The following SAE1 variants were observed in gnomAD, a reference collection of about 807,000 sequenced individuals.
The protein encoded by SAE1 is SUMO1 activating enzyme subunit 1, also known as SUMO-activating enzyme subunit 1.
Under a neutral mutation model 40.6 loss-of-function variants are expected in SAE1, and 11 were observed. The observed-to-expected ratio is 0.27, with a 90% CI of 0.17 to 0.45. The LOEUF (loss-of-function observed/expected upper bound fraction) is 0.45. SAE1 is among the 20% of genes least tolerant of loss of function. The pLI is 1.00. For missense variants in SAE1, 373 were observed against 427.3 expected (o/e 0.87, Z 1.12); for synonymous variants, 155 against 154.3 (o/e 1.00, Z -0.03).
chr19:47,165,261 TA>T (rs1379407623), intron 5 of SAE1, among the ~76,000 whole-genome samples: 1 of 151,588 alleles, frequency 6.6e-6, no homozygotes, highest in African/African-American at 2.4e-5. Flanking sequence ...GGCTAATTTT[TA>T]TATTTTTAGT....
At chr19:47,155,079 G>C (rs2058312928) in intron 4 of SAE1, 35 bp from the exon 5 acceptor site, 1 of 1,315,432 alleles carries the variant, frequency 7.6e-7, no homozygotes, top group Non-Finnish European at 1.1e-6. Flanking sequence ...GATTCCTAGG[G>C]TAAAATTACA....
chr19:47,207,081 A>C (rs987312692), intron 8 of SAE1, among the ~76,000 whole-genome samples: 1 of 152,164 alleles, frequency 6.6e-6, no homozygotes, highest in African/African-American at 2.4e-5. Context: ...CTAGAAGTTC[A>C]AGACTAGCTT....
At chr19:47,205,974 C>T (rs1157191130) in intron 8 of SAE1, among the ~76,000 whole-genome samples, 3 of 152,198 alleles carry the variant, frequency 2.0e-5, no homozygotes, top group Non-Finnish European at 4.4e-5. Context: ...TGCATGGACC[C>T]CAGGGCCGCT....
At chr19:47,172,421 G>C (rs1264093400) in intron 6 of SAE1, among the ~76,000 whole-genome samples, 1 of 152,096 alleles carries the variant, frequency 6.6e-6, no homozygotes, top group African/African-American at 2.4e-5. Context: ...GAAGCTTGTT[G>C]CTCACTGCCT....
intron 6 of SAE1, among the ~76,000 whole-genome samples, chr19:47,176,243 G>A (rs1049282749): frequency 2.6e-5 from 4 of 152,118 alleles, no homozygotes; most frequent in Admixed American, 6.5e-5. Flanking sequence ...TGGATGTACC[G>A]TCATCTATGA....
intron 5 of SAE1, among the ~76,000 whole-genome samples, chr19:47,158,785 A>C (rs770676958): frequency 2.6e-5 from 4 of 152,202 alleles, no homozygotes; most frequent in Non-Finnish European, 5.9e-5. Context: ...ATGAGAAATT[A>C]AGTGACCTGA....
At position 47,203,680 on chromosome 19, in the gene SAE1, C is replaced by G. The variant is rs751088718; in HGVS notation, c.888C>G (p.Phe296Leu). Reference sequence around the variant, plus strand: ...TCTTCCTCTCTTTTAGGTACTGCTTCTCCGAGATGGCCCCAGTGTGTGCGG... The same window carrying G: ...TCTTCCTCTCTTTTAGGTACTGCTTGTCCGAGATGGCCCCAGTGTGTGCGG... The part of the protein sequence containing the change: ...LLPEDFVRYC[F>L]SEMAPVCAVV... Residue 296 changes from phenylalanine (F) to leucine (L), a missense_variant, in exon 8 of 9, where the codon TTC (phenylalanine) becomes TTG (leucine). Around this residue, in one of 3 missense-constraint regions of SAE1, gnomAD observed 351 missense variants for 390.6 expected, o/e 0.90. Transcript: ENST00000270225. The G allele has an allele frequency of 6.2e-7, 1 of 1,614,032 alleles. No individual in the cohort carries two copies. Among genetic ancestry groups the G allele is most frequent in the Non-Finnish European group, 8.5e-7 (1 of 1,179,944 alleles).
At chr19:47,181,115 G>A (rs1217864834) in intron 6 of SAE1, among the ~76,000 whole-genome samples, 3 of 152,004 alleles carry the variant, frequency 2.0e-5, no homozygotes, top group East Asian at 1.9e-4. Context: ...TCGGGAGTTC[G>A]AGACCAGCCT....
chr19:47,183,648 C>A (rs941582602), intron 6 of SAE1, among the ~76,000 whole-genome samples: 8 of 152,154 alleles, frequency 5.3e-5, no homozygotes, highest in African/African-American at 1.9e-4. Context: ...ACTCCCCCAC[C>A]CACTTGGCAG....
Position 47,147,216 on chromosome 19 carries a change from T to G in SAE1, c.211-2986T>G, listed in dbSNP as rs1045694780. Reference sequence around the variant, plus strand: ...GTGTATGGGTTTTTTTTTTTTTTTTTTTTTTTTTTTTGAGGCAGTCTCACT... The same window carrying G: ...GTGTATGGGTTTTTTTTTTTTTTTTGTTTTTTTTTTTGAGGCAGTCTCACT... On this transcript the variant is annotated intron_variant, in intron 2 of 8. Transcript: ENST00000270225. Among the ~76,000 whole-genome samples, 59 of 141,262 alleles carry G rather than the reference T, an allele frequency of 4.2e-4. 1 individual carries two copies. Among genetic ancestry groups the G allele is most frequent in the African/African-American group, 1.3e-3 (49 of 37,688 alleles). 92.7% of individuals were successfully genotyped at this position (141,262 alleles called of 152,430 possible). A position where few individuals can be genotyped will look rare whatever the true frequency, so the allele number is the denominator to read the frequency against.
In SAE1 at chr19:47,130,922, G is replaced by A; in HGVS notation, c.-9G>A. 1 of 1,549,452 alleles carries A rather than the reference G, an allele frequency of 6.5e-7. No individual in the cohort carries two copies. The highest frequency in any genetic ancestry group is 1.2e-5 in the South Asian group (1 of 83,970). On this transcript the variant is annotated 5_prime_UTR_variant, in exon 1 of 9. Transcript: ENST00000270225. ...CGGGACCGGAGCTGAGGCAGGAAGA[G>A]CCGGCGCCATGGTGGAGAAGGAGGA...
intron 8 of SAE1, among the ~76,000 whole-genome samples, chr19:47,207,009 C>T (rs28399748): frequency 6.6e-6 from 1 of 152,142 alleles, no homozygotes; most frequent in African/African-American, 2.4e-5. Context: ...AATAAATGTT[C>T]CCTTGACTGG....
At chr19:47,147,981 C>T (rs1352641652) in intron 2 of SAE1, among the ~76,000 whole-genome samples, 4 of 151,716 alleles carry the variant, frequency 2.6e-5, no homozygotes, top group Non-Finnish European at 4.4e-5. Flanking sequence ...AGGATGGTCT[C>T]GATCTCCTGA....
intron 6 of SAE1, among the ~76,000 whole-genome samples, chr19:47,185,626 G>A (rs2058539413): frequency 6.6e-6 from 1 of 151,734 alleles, no homozygotes; most frequent in South Asian, 2.1e-4. Context: ...TTTTGAGACA[G>A]AGTCTCACTG....
At chr19:47,156,990 T>G (rs1009224844) in intron 5 of SAE1, among the ~76,000 whole-genome samples, 19 of 152,134 alleles carry the variant, frequency 1.2e-4, no homozygotes, top group Admixed American at 6.5e-5. Context: ...TTTGTAGATT[T>G]AAATGTTGAG....
At chr19:47,156,599 A>C (rs1178149218) in intron 5 of SAE1, among the ~76,000 whole-genome samples, 2 of 149,082 alleles carry the variant, frequency 1.3e-5, no homozygotes, top group Non-Finnish European at 3.0e-5. Flanking sequence ...GCTCACTGCA[A>C]CCTCCACGTC....
At position 47,201,360 on chromosome 19, in the gene SAE1, CTTTTT is replaced by C. The variant is rs57568797; in HGVS notation, c.879-2286_879-2282del. 4.0e-3 allele frequency among the ~76,000 whole-genome samples: 268 copies of C among 66,198 alleles called. 1 individual carries two copies. Among genetic ancestry groups the C allele is most frequent in the African/African-American group, 0.016 (243 of 15,032 alleles). 43.4% of individuals were successfully genotyped at this position (66,198 alleles called of 152,430 possible). A position where few individuals can be genotyped will look rare whatever the true frequency, so the allele number is the denominator to read the frequency against. On this transcript the variant is annotated intron_variant, in intron 7 of 8. Coordinates refer to ENST00000270225, the MANE Select transcript of SAE1 (RefSeq NM_005500.3). ...CTGCACCTGGCCTGTTATCTGGTTCCTTTTTTTTTTTTTTTTTTTTTTTTTTTTTG... is the reference window on the plus strand; with the variant it reads ...CTGCACCTGGCCTGTTATCTGGTTCCTTTTTTTTTTTTTTTTTTTTTTTTG...
chr19:47,143,781 A>G (rs1288040528), intron 2 of SAE1, among the ~76,000 whole-genome samples, 176 bp downstream of exon 2: 2 of 152,114 alleles, frequency 1.3e-5, no homozygotes, highest in Admixed American at 6.6e-5. Flanking sequence ...TTCTAGCTCC[A>G]CCACATCTAG....
At chr19:47,171,304 T>C (rs1281181282) in intron 6 of SAE1, among the ~76,000 whole-genome samples, 1 of 151,658 alleles carries the variant, frequency 6.6e-6, no homozygotes, top group African/African-American at 2.4e-5. Flanking sequence ...ATTTTAATTT[T>C]TTTTTTGGAG....
Sources: allele counts gnomAD v4.1 joint callset (sites outside exome capture counted in the v4.1 genomes callset), GRCh38; gene constraint gnomAD v4.1.1; regional missense constraint gnomAD v4.1.1; transcripts MANE v1.5; gene names NCBI Gene and HGNC (gene_info 2026-07-23, HGNC 2026-07-21).